Variants in KIAA1671 observed in about 807,000 individuals in gnomAD.
KIAA1671 encodes uncharacterized protein KIAA1671.
In KIAA1671, 52 loss-of-function variants were observed where a neutral mutation model predicts 131.2. The ratio of observed to expected loss-of-function variants is 0.40; its 90% confidence interval spans 0.32 to 0.50. The LOEUF (loss-of-function observed/expected upper bound fraction) is 0.50, where lower values mean the gene tolerates loss of function less well. Among genes scored for constraint, KIAA1671 ranks in the 20% least tolerant of loss-of-function variants. The pLI is 0.73. For missense variants in KIAA1671, 2,360 were observed against 2,364.2 expected, an observed-to-expected ratio of 1.00 and a Z score of 0.04; for synonymous variants, 1,003 against 961.6, an observed-to-expected ratio of 1.04 and a Z score of -0.80.
At chr22:25,143,936 T>A (rs1229873601) in intron 6 of KIAA1671, among the ~76,000 whole-genome samples, 1 of 151,884 alleles carries the variant, frequency 6.6e-6, no homozygotes, top group Non-Finnish European at 1.5e-5. Context: ...TTTGGGAAGC[T>A]GAGGTGGGAG....
At chr22:24,995,048 T>G (rs1028964539) in intron 1 of KIAA1671, among the ~76,000 whole-genome samples, 1 of 101,482 alleles carries the variant, frequency 9.9e-6, no homozygotes, top group Non-Finnish European at 2.0e-5. Context: ...TATGTTAGGT[T>G]TTTTTTTTTT....
At chr22:25,036,667 C>T (rs2145800239) in intron 4 of KIAA1671, among the ~76,000 whole-genome samples, 1 of 152,164 alleles carries the variant, frequency 6.6e-6, no homozygotes, top group African/African-American at 2.4e-5. Flanking sequence ...ACCTGTAATC[C>T]CAGCACTTCG....
chr22:25,065,751 T>C (rs1171530230), intron 6 of KIAA1671, among the ~76,000 whole-genome samples: 1 of 151,944 alleles, frequency 6.6e-6, no homozygotes, highest in East Asian at 1.9e-4. Flanking sequence ...GCGATTCTCC[T>C]GCCTCAGCCT....
chr22:24,976,963 G>T (rs1404227995), intron 1 of KIAA1671, among the ~76,000 whole-genome samples: 1 of 152,062 alleles, frequency 6.6e-6, no homozygotes, highest in South Asian at 2.1e-4. Flanking sequence ...TGAGTCCTCT[G>T]CTTCACCACT....
rs985609848 is a variant in KIAA1671, at chr22:24,987,168, A to T, written c.-208+34396A>T. 2.1e-4 allele frequency among the ~76,000 whole-genome samples: 32 copies of T among 149,108 alleles called. No homozygotes were observed. The East Asian group carries it at 3.2e-3, about 15-fold the overall frequency. On this transcript the variant is annotated intron_variant, in intron 1 of 12. Coordinates refer to ENST00000358431, the MANE Select transcript of KIAA1671 (RefSeq NM_001145206.2). ...TTCCAATGATTTATTTATTATTATT[A>T]TTATTTTTTTTTTTTTTTCTGAGAC...
chr22:25,078,875 T>C (rs1217621194), intron 6 of KIAA1671, among the ~76,000 whole-genome samples: 2 of 152,142 alleles, frequency 1.3e-5, no homozygotes, highest in East Asian at 3.9e-4. Flanking sequence ...GACCCAGTCA[T>C]GGAGGCAAAA....
intron 6 of KIAA1671, among the ~76,000 whole-genome samples, chr22:25,169,569 T>G (rs1396869706): frequency 6.6e-6 from 1 of 152,078 alleles, no homozygotes; most frequent in Non-Finnish European, 1.5e-5. Flanking sequence ...TTCTCCCCAC[T>G]CAACAAAGCA....
rs141626684 is a variant in KIAA1671 at position 25,189,471 on chromosome 22, C to T, written c.5343-1231C>T. 4.9e-3 allele frequency among the ~76,000 whole-genome samples: 752 copies of T among 152,072 alleles called. 4 individuals are homozygous for T. Among genetic ancestry groups the T allele is most frequent in the Non-Finnish European group, 6.9e-3 (470 of 67,962 alleles). The stretch of plus-strand genomic sequence containing the variant: ...TACGGGCGTGAGCCACCGTGCCTGG[C>T]GAGGCCAGTCTTTTTCTATTCAGGC... On this transcript the variant is annotated intron_variant, in intron 11 of 12. Coordinates refer to ENST00000358431, the MANE Select transcript of KIAA1671 (RefSeq NM_001145206.2).
At chr22:25,111,344 G>A (rs1033917297) in intron 6 of KIAA1671, among the ~76,000 whole-genome samples, 8 of 152,374 alleles carry the variant, frequency 5.3e-5, no homozygotes, top group Admixed American at 2.6e-4. Flanking sequence ...CATCAGCCCC[G>A]AGGGACCGTG....
At chr22:24,984,024 C>T (rs1459345615) in intron 1 of KIAA1671, among the ~76,000 whole-genome samples, 5 of 152,116 alleles carry the variant, frequency 3.3e-5, no homozygotes, top group East Asian at 3.9e-4. Context: ...GTGATCTGCC[C>T]GCCTCGGCCT....
intron 1 of KIAA1671, among the ~76,000 whole-genome samples, chr22:25,006,252 C>T (rs992477059): frequency 5.9e-5 from 9 of 152,068 alleles, no homozygotes; most frequent in East Asian, 1.9e-4. Context: ...AGGCTGGTCT[C>T]GAACTCCTGA....
intron 1 of KIAA1671, among the ~76,000 whole-genome samples, chr22:24,984,179 T>C (rs1923388686): frequency 6.6e-6 from 1 of 152,162 alleles, no homozygotes; most frequent in Non-Finnish European, 1.5e-5. Context: ...GGAAGGGGCA[T>C]GACAGTGACT....
At position 25,197,313 on chromosome 22, in the gene KIAA1671, A is replaced by C. The variant is rs1157944001; in HGVS notation, c.*4912A>C. ...CTTTTATATTTTGTAACTGTAAAGA[A>C]GTTTCATATGCACAGAAGAGCAGTT... is the stretch of plus-strand genomic sequence containing the variant. On this transcript the variant is annotated 3_prime_UTR_variant, in exon 13 of 13. Coordinates refer to ENST00000358431, the MANE Select transcript of KIAA1671 (RefSeq NM_001145206.2). 1 of 152,252 alleles carries C rather than the reference A, an allele frequency of 6.6e-6. No homozygotes were observed. Among genetic ancestry groups the C allele is most frequent in the Non-Finnish European group, 1.5e-5 (1 of 68,046 alleles). 9.4% of individuals were successfully genotyped at this position (152,252 alleles called of 1,614,324 possible). A position where few individuals can be genotyped will look rare whatever the true frequency, so the allele number is the denominator to read the frequency against.
At position 24,978,656 on chromosome 22, in the gene KIAA1671, A is replaced by T. The variant is rs149689182; in HGVS notation, c.-208+25884A>T. Among the ~76,000 whole-genome samples the T allele has an allele frequency of 7.2e-5, 11 of 152,058 alleles. No homozygotes were observed. The East Asian group carries it at 2.1e-3, about 29-fold the overall frequency. On this transcript the variant is annotated intron_variant, in intron 1 of 12. Transcript: ENST00000358431. ...CACTTTTAAAAATTGTGAAATATGG[A>T]TACAGTTTACCATCTTAATCTTTTG... is the stretch of plus-strand genomic sequence containing the variant.
chr22:25,013,578 C>A (rs1925154297), intron 1 of KIAA1671: 1 of 152,228 alleles, frequency 6.6e-6, no homozygotes, highest in Non-Finnish European at 1.5e-5. Flanking sequence ...ATATGCACAT[C>A]TCAGTCTCCC....
intron 4 of KIAA1671, among the ~76,000 whole-genome samples, chr22:25,037,324 A>G (rs1469966925): frequency 1.3e-5 from 2 of 152,224 alleles, no homozygotes; most frequent in Non-Finnish European, 2.9e-5. Context: ...CTCCATCACA[A>G]AAATATGTAT....
At chr22:24,968,989 TC>T in intron 1 of KIAA1671, among the ~76,000 whole-genome samples, 1 of 152,158 alleles carries the variant, frequency 6.6e-6, no homozygotes, top group Non-Finnish European at 1.5e-5. Context: ...AGCCTTGACC[TC>T]CCAGGCTCAG....
At chr22:25,167,722 T>C (rs1265410101) in intron 6 of KIAA1671, among the ~76,000 whole-genome samples, 1 of 152,228 alleles carries the variant, frequency 6.6e-6, no homozygotes. Context: ...TTTGGGTCTA[T>C]GAGTGTAGCC....
At chr22:25,114,443 G>A (rs1931551918) in intron 6 of KIAA1671, among the ~76,000 whole-genome samples, 1 of 152,244 alleles carries the variant, frequency 6.6e-6, no homozygotes, top group Admixed American at 6.5e-5. Flanking sequence ...CAGGATAAAG[G>A]CAGAGTTAGG....
Sources: allele counts gnomAD v4.1 joint callset (sites outside exome capture counted in the v4.1 genomes callset), GRCh38; gene constraint gnomAD v4.1.1; transcripts MANE v1.5; gene names NCBI Gene and HGNC (gene_info 2026-07-23, HGNC 2026-07-21).